Variants in TNFSF4 observed in about 807,000 individuals in gnomAD.
TNFSF4 encodes TNF superfamily member 4, also known as tumor necrosis factor ligand superfamily member 4.
Under a neutral mutation model 7.3 loss-of-function variants are expected in TNFSF4, and 4 were observed. That is an observed-to-expected ratio of 0.55 (90% CI 0.27 to 1.25). The LOEUF is 1.25. Among genes scored for constraint, TNFSF4 ranks in the 50% most tolerant of loss-of-function variants. The pLI is 0.12. For missense variants in TNFSF4, 181 were observed against 208.8 expected (o/e 0.87, Z 0.82); for synonymous variants, 76 against 83.7 (o/e 0.91, Z 0.50).
At chr1:173,425,590 C>T in the TNFSF4 span, among the ~76,000 whole-genome samples, 52 of 152,284 alleles carry the variant, frequency 3.4e-4, no homozygotes, top group African/African-American at 1.1e-3. Flanking sequence ...GATTTAGAAG[C>T]AAAGTCAATG....
chr1:173,348,252 G>A, the TNFSF4 span, among the ~76,000 whole-genome samples: 10 of 152,114 alleles, frequency 6.6e-5, no homozygotes, highest in African/African-American at 1.9e-4. Flanking sequence ...TACTGTTCTC[G>A]TGGTAGTGAA....
the TNFSF4 span, among the ~76,000 whole-genome samples, chr1:173,430,413 G>A: frequency 3.9e-5 from 6 of 152,134 alleles, no homozygotes; most frequent in African/African-American, 1.2e-4. Context: ...CGAACCTGTT[G>A]GCATAGTTAG....
chr1:173,238,470 A>T, the TNFSF4 span, among the ~76,000 whole-genome samples: 1 of 149,306 alleles, frequency 6.7e-6, no homozygotes, highest in Non-Finnish European at 1.5e-5. Context: ...TAAACAGGCA[A>T]CCTACAGAAT....
the TNFSF4 span, among the ~76,000 whole-genome samples, chr1:173,308,238 C>G: frequency 6.6e-6 from 1 of 151,506 alleles, no homozygotes; most frequent in African/African-American, 2.4e-5. Context: ...TCTTCCTTCT[C>G]TCTTCCTCCA....
the TNFSF4 span, among the ~76,000 whole-genome samples, chr1:173,385,149 A>C: frequency 6.6e-6 from 1 of 152,218 alleles, no homozygotes; most frequent in Non-Finnish European, 1.5e-5. Flanking sequence ...TGAATCCTTT[A>C]TTCAAACAAT....
At chr1:173,426,136 G>A in the TNFSF4 span, among the ~76,000 whole-genome samples, 22 of 152,280 alleles carry the variant, frequency 1.4e-4, 1 homozygote, top group South Asian at 3.3e-3. Context: ...TGGGTGTGGC[G>A]TCAACTCTAA....
the TNFSF4 span, among the ~76,000 whole-genome samples, chr1:173,239,323 A>C: frequency 1.3e-5 from 2 of 152,116 alleles, no homozygotes; most frequent in African/African-American, 4.8e-5. Context: ...TGGTGGGAGG[A>C]CAGTTAAGAA....
the TNFSF4 span, among the ~76,000 whole-genome samples, chr1:173,420,584 T>C: frequency 2.6e-5 from 4 of 152,124 alleles, no homozygotes; most frequent in Non-Finnish European, 4.4e-5. Context: ...TCCGGTTTTA[T>C]ATGGCTACAT....
the TNFSF4 span, among the ~76,000 whole-genome samples, chr1:173,415,245 C>T: frequency 6.6e-6 from 1 of 152,224 alleles, no homozygotes; most frequent in African/African-American, 2.4e-5. Context: ...CCACGTCTCA[C>T]ATTTCTCCTT....
intron 1 of TNFSF4, among the ~76,000 whole-genome samples, chr1:173,204,040 T>G (rs1650062799): frequency 6.6e-6 from 1 of 152,238 alleles, no homozygotes; most frequent in Non-Finnish European, 1.5e-5. Context: ...CAGTGTGTTT[T>G]GCTAATCCAG....
the TNFSF4 span, among the ~76,000 whole-genome samples, chr1:173,311,286 G>A: frequency 6.6e-6 from 1 of 151,964 alleles, no homozygotes. Flanking sequence ...ACAGCCATTT[G>A]AATTGGCAAA....
the TNFSF4 span, among the ~76,000 whole-genome samples, chr1:173,346,991 T>C: frequency 1.3e-5 from 2 of 152,242 alleles, no homozygotes; most frequent in Admixed American, 6.5e-5. Context: ...TTGTTATACA[T>C]AGTTCCTCCT....
the TNFSF4 span, among the ~76,000 whole-genome samples, chr1:173,431,812 C>A: frequency 6.6e-6 from 1 of 152,174 alleles, no homozygotes; most frequent in African/African-American, 2.4e-5. Flanking sequence ...AATGGTGACT[C>A]CTTGGTGACA....
the TNFSF4 span, among the ~76,000 whole-genome samples, chr1:173,448,177 T>C: frequency 1.3e-5 from 2 of 152,184 alleles, no homozygotes; most frequent in African/African-American, 4.8e-5. Context: ...GTTGGAGACT[T>C]TGACTTTCCT....
upstream of TNFSF4, among the ~76,000 whole-genome samples, chr1:173,207,794 T>C (rs1262892081): frequency 6.6e-6 from 1 of 152,192 alleles, no homozygotes; most frequent in Non-Finnish European, 1.5e-5. Context: ...CACTGGGTCA[T>C]GCAGAAGTAA....
the TNFSF4 span, among the ~76,000 whole-genome samples, chr1:173,260,404 C>T: frequency 9.9e-5 from 15 of 152,114 alleles, no homozygotes; most frequent in Non-Finnish European, 2.1e-4. Context: ...AGTAGGCAGA[C>T]CAATGACACT....
At chr1:173,446,561 GA>G in the TNFSF4 span, among the ~76,000 whole-genome samples, 1 of 152,318 alleles carries the variant, frequency 6.6e-6, no homozygotes, top group East Asian at 1.9e-4. Context: ...TGTTGCCAAA[GA>G]AGATTAACAT....
the TNFSF4 span, among the ~76,000 whole-genome samples, chr1:173,398,891 T>C: frequency 6.6e-6 from 1 of 152,184 alleles, no homozygotes; most frequent in Non-Finnish European, 1.5e-5. Context: ...CTCATTTTGG[T>C]GTGTTGCTCC....
the TNFSF4 span, among the ~76,000 whole-genome samples, chr1:173,255,929 A>G: frequency 6.6e-6 from 1 of 152,178 alleles, no homozygotes; most frequent in East Asian, 1.9e-4. Flanking sequence ...CATCATTTTT[A>G]TTTGGGTGTT....
Sources: allele counts gnomAD v4.1 joint callset (sites outside exome capture counted in the v4.1 genomes callset), GRCh38; gene constraint gnomAD v4.1.1; transcripts MANE v1.5; gene names NCBI Gene and HGNC (gene_info 2026-07-23, HGNC 2026-07-21).